The following ZNF827 variants were observed in gnomAD, a reference collection of about 807,000 sequenced individuals.
ZNF827 encodes the protein zinc finger protein 827.
Under a neutral mutation model 102.4 loss-of-function variants are expected in ZNF827, and 13 were observed. The observed-to-expected ratio is 0.13, with a 90% confidence interval of 0.08 to 0.20. The LOEUF (loss-of-function observed/expected upper bound fraction) is 0.20, where lower values mean the gene tolerates loss of function less well. ZNF827 is among the 10% of genes least tolerant of loss of function. The pLI is 1.00. For missense variants in ZNF827, 1,103 were observed against 1,344.4 expected (o/e 0.82, Z 2.81); for synonymous variants, 523 against 536.2 (o/e 0.98, Z 0.34).
chr4:145,890,007 C>T (rs539104634), intron 3 of ZNF827, among the ~76,000 whole-genome samples: 4 of 151,824 alleles, frequency 2.6e-5, no homozygotes, highest in Non-Finnish European at 1.5e-5. Context: ...AAAATCTGTC[C>T]GTCCATATTT....
intron 8 of ZNF827, among the ~76,000 whole-genome samples, chr4:145,800,860 A>G (rs1020231750): frequency 5.9e-5 from 9 of 152,216 alleles, no homozygotes; most frequent in African/African-American, 2.2e-4. Context: ...AGAACCATAC[A>G]TCTAATGTAT....
At chr4:145,810,764 G>T (rs1444392429) in intron 8 of ZNF827, among the ~76,000 whole-genome samples, 1 of 152,034 alleles carries the variant, frequency 6.6e-6, no homozygotes, top group Non-Finnish European at 1.5e-5. Flanking sequence ...TTTAATGGCT[G>T]TGGAGTTTCC....
At chr4:145,825,380 AG>A (rs975214959) in intron 7 of ZNF827, among the ~76,000 whole-genome samples, 1 of 152,178 alleles carries the variant, frequency 6.6e-6, no homozygotes, top group Admixed American at 6.5e-5. Context: ...GTCTTAAGTA[AG>A]GGGGTCAGGG....
chr4:145,937,342 A>G (rs1478920852), intron 1 of ZNF827, among the ~76,000 whole-genome samples: 1 of 151,802 alleles, frequency 6.6e-6, no homozygotes, highest in Non-Finnish European at 1.5e-5. Flanking sequence ...GACTCTGCTC[A>G]GGCTCGCCAA....
intron 5 of ZNF827, among the ~76,000 whole-genome samples, chr4:145,865,615 C>G (rs1351367310): frequency 1.3e-5 from 2 of 152,140 alleles, no homozygotes; most frequent in Admixed American, 1.3e-4. Context: ...AGAAGCACTG[C>G]CTTAGCAAAT....
In ZNF827 at chr4:145,793,328, C is replaced by A. The variant is rs6843176; in HGVS notation, c.2384-13817G>T. Among the ~76,000 whole-genome samples, 108 of 105,094 alleles carry A rather than the reference C, an allele frequency of 1.0e-3. 2 individuals are homozygous for A. The highest frequency in any genetic ancestry group is 3.5e-3 in the African/African-American group (90 of 25,702). 68.9% of individuals were successfully genotyped at this position (105,094 alleles called of 152,430 possible). A position where few individuals can be genotyped will look rare whatever the true frequency, so the allele number is the denominator to read the frequency against. On this transcript the variant is annotated intron_variant, in intron 8 of 14. Transcript: ENST00000508784. ...ATATATACTTATATATAATATATAT[C>A]TTATATATATATAAAAAGAGGAGTT...
chr4:145,769,081 T>TA (rs1209420782), intron 11 of ZNF827, among the ~76,000 whole-genome samples: 2 of 151,370 alleles, frequency 1.3e-5, no homozygotes, highest in Admixed American at 6.6e-5. Context: ...TGTACCCACT[T>TA]ACAATGTTTT....
chr4:145,798,374 A>T (rs996265233), intron 8 of ZNF827, among the ~76,000 whole-genome samples: 1 of 152,154 alleles, frequency 6.6e-6, no homozygotes, highest in African/African-American at 2.4e-5. Flanking sequence ...TGGAAATTTA[A>T]AGATGTTCTG....
At chr4:145,857,778 T>G (rs1306234174) in intron 5 of ZNF827, among the ~76,000 whole-genome samples, 1 of 152,172 alleles carries the variant, frequency 6.6e-6, no homozygotes, top group Non-Finnish European at 1.5e-5. Context: ...GTAAAACCTC[T>G]CCCAATCATC....
chr4:145,821,424 C>T (rs566575715), intron 8 of ZNF827, among the ~76,000 whole-genome samples: 1 of 152,270 alleles, frequency 6.6e-6, no homozygotes, highest in Non-Finnish European at 1.5e-5. Context: ...ACAATTAGTC[C>T]AAATTATTGA....
intron 3 of ZNF827, among the ~76,000 whole-genome samples, chr4:145,889,851 C>T (rs1750450996): frequency 6.6e-6 from 1 of 151,996 alleles, no homozygotes; most frequent in Non-Finnish European, 1.5e-5. Context: ...GTGGCGGACG[C>T]CTGTAGTCCC....
chr4:145,812,532 TTTATTTA>T (rs1334644466), intron 8 of ZNF827, among the ~76,000 whole-genome samples: 2 of 151,010 alleles, frequency 1.3e-5, no homozygotes, highest in Admixed American at 1.3e-4. Context: ...TATTTATTTA[TTTATTTA>T]TTTTTTGAGA....
intron 6 of ZNF827, among the ~76,000 whole-genome samples, chr4:145,849,086 G>C (rs1323970021): frequency 1.3e-5 from 2 of 152,120 alleles, no homozygotes; most frequent in Non-Finnish European, 2.9e-5. Context: ...GAATTGAATA[G>C]AGTTTTAATT....
chr4:145,841,947 C>T (rs966282635), intron 7 of ZNF827, among the ~76,000 whole-genome samples: 1 of 151,760 alleles, frequency 6.6e-6, no homozygotes, highest in African/African-American at 2.4e-5. Context: ...AAAAAAATGG[C>T]ATTCTCAAAC....
intron 1 of ZNF827, among the ~76,000 whole-genome samples, chr4:145,908,378 T>C (rs12332040): frequency 0.066 from 9,971 of 152,198 alleles, 363 homozygotes; most frequent in Middle Eastern, 0.099. Flanking sequence ...CACGGTCAAC[T>C]CTCTAACAAT....
intron 7 of ZNF827, among the ~76,000 whole-genome samples, chr4:145,845,390 T>C (rs1370245869): frequency 6.6e-6 from 1 of 152,236 alleles, no homozygotes; most frequent in East Asian, 1.9e-4. Flanking sequence ...AACTTCCTTG[T>C]CCACAGTGGT....
chr4:145,889,523 G>C (rs1449907759), intron 3 of ZNF827, among the ~76,000 whole-genome samples: 1 of 150,956 alleles, frequency 6.6e-6, no homozygotes, highest in East Asian at 2.0e-4. Flanking sequence ...CATACAGTTT[G>C]AGATCTTAAT....
At chr4:145,918,203 T>A (rs949488994) in intron 1 of ZNF827, among the ~76,000 whole-genome samples, 1 of 152,000 alleles carries the variant, frequency 6.6e-6, no homozygotes, top group Non-Finnish European at 1.5e-5. Flanking sequence ...TAAGAAAAAT[T>A]TCCACATTAA....
At chr4:145,878,670 A>G (rs55701107) in intron 4 of ZNF827, among the ~76,000 whole-genome samples, 64 of 106,608 alleles carry the variant, frequency 6.0e-4, no homozygotes, top group South Asian at 1.4e-3. Flanking sequence ...GGAGAGAGAG[A>G]AAGGAAGGAA....
Sources: allele counts gnomAD v4.1 joint callset (sites outside exome capture counted in the v4.1 genomes callset), GRCh38; gene constraint gnomAD v4.1.1; transcripts MANE v1.5; gene names NCBI Gene and HGNC (gene_info 2026-07-23, HGNC 2026-07-21).